TACR3: variants seen among roughly 807,000 people sequenced by gnomAD.
TACR3 encodes the protein tachykinin receptor 3, also known as neuromedin-K receptor.
In TACR3, 34 loss-of-function variants were observed where a neutral mutation model predicts 35.0. The ratio of observed to expected loss-of-function variants is 0.97; its 90% CI spans 0.74 to 1.30. The LOEUF (loss-of-function observed/expected upper bound fraction) is 1.30. Among genes scored for constraint, TACR3 ranks in the 50% most tolerant of loss-of-function variants. The pLI is 0.00. For missense variants in TACR3, 558 were observed against 591.7 expected (o/e 0.94, Z 0.59); for synonymous variants, 233 against 221.1 (o/e 1.05, Z -0.48).
chr4:103,699,671 A>G (rs1454581271), intron 1 of TACR3, among the ~76,000 whole-genome samples: 1 of 152,178 alleles, frequency 6.6e-6, no homozygotes, highest in African/African-American at 2.4e-5. Flanking sequence ...ATTAGATTCA[A>G]CATATAATTT....
At chr4:103,622,865 T>G (rs898852561) in intron 3 of TACR3, among the ~76,000 whole-genome samples, 1 of 152,156 alleles carries the variant, frequency 6.6e-6, no homozygotes, top group Non-Finnish European at 1.5e-5. Context: ...AGGAGACTAA[T>G]GTCAAGGTGG....
chr4:103,688,962 C>T (rs972800611), intron 1 of TACR3, among the ~76,000 whole-genome samples: 88 of 152,064 alleles, frequency 5.8e-4, no homozygotes, highest in African/African-American at 1.2e-3. Context: ...ATGTTTATTG[C>T]GGCACTATTC....
At chr4:103,628,579 C>A (rs1198086600) in intron 3 of TACR3, among the ~76,000 whole-genome samples, 1 of 152,138 alleles carries the variant, frequency 6.6e-6, no homozygotes, top group African/African-American at 2.4e-5. Flanking sequence ...GACACATACA[C>A]CCTCCCAACA....
At chr4:103,599,039 T>C (rs1306032455) in intron 3 of TACR3, among the ~76,000 whole-genome samples, 1 of 152,340 alleles carries the variant, frequency 6.6e-6, no homozygotes, top group Non-Finnish European at 1.5e-5. Flanking sequence ...GTAAATTACC[T>C]TGGGCAGTAT....
rs193244624 is a variant in TACR3, at chr4:103,606,466, G to A, written c.889-14783C>T. ...TTCTTCCTATCCATGAGCATGGACT[G>A]TTCTTCCATTTGTTTGTATCCTCTT... is the stretch of plus-strand genomic sequence containing the variant. On this transcript the variant is annotated intron_variant, in intron 3 of 4. Coordinates refer to ENST00000304883, the MANE Select transcript of TACR3 (RefSeq NM_001059.3). 4.6e-3 allele frequency among the ~76,000 whole-genome samples: 701 copies of A among 152,320 alleles called. 5 individuals are homozygous for A. The highest frequency in any genetic ancestry group is 0.014 in the African/African-American group (599 of 41,570).
intron 1 of TACR3, among the ~76,000 whole-genome samples, chr4:103,705,253 C>T (rs1233613353): frequency 6.6e-6 from 1 of 152,080 alleles, no homozygotes; most frequent in Non-Finnish European, 1.5e-5. Context: ...TAATTTTAAA[C>T]TGTAAAAATT....
intron 3 of TACR3, among the ~76,000 whole-genome samples, chr4:103,626,527 C>T (rs961903564): frequency 1.3e-5 from 2 of 152,138 alleles, no homozygotes; most frequent in African/African-American, 4.8e-5. Context: ...TGTCGGTTAG[C>T]AAATATGCCA....
intron 1 of TACR3, among the ~76,000 whole-genome samples, chr4:103,716,217 G>A (rs1028842865): frequency 2.1e-5 from 1 of 48,320 alleles, no homozygotes; most frequent in Non-Finnish European, 4.0e-5. Context: ...ATTTTATCTT[G>A]TGTGTGTGTG....
intron 3 of TACR3, among the ~76,000 whole-genome samples, chr4:103,609,519 T>C (rs1724467170): frequency 6.6e-6 from 1 of 152,054 alleles, no homozygotes; most frequent in African/African-American, 2.4e-5. Context: ...ATTTGTGGGG[T>C]AGTGTGTTTC....
At chr4:103,685,658 C>CA (rs566688964) in intron 1 of TACR3, among the ~76,000 whole-genome samples, 40 of 152,206 alleles carry the variant, frequency 2.6e-4, no homozygotes, top group Non-Finnish European at 5.0e-4. Context: ...AAACACTTCA[C>CA]AATAGAGTAT....
rs201473070 is a variant in TACR3, at chr4:103,589,913, G to A, written c.1167C>T (p.Thr389=). 2.9e-5 allele frequency: 47 copies of A among 1,613,808 alleles called. 1 individual carries two copies. In the Middle Eastern group the frequency reaches 9.9e-4, roughly 34 times the overall value. The change falls in exon 5 of 5, where the codon ACC becomes ACT. Residue 389 remains threonine (T), a synonymous_variant. Coordinates refer to ENST00000304883, the MANE Select transcript of TACR3 (RefSeq NM_001059.3). ...TTTGCCGGTTTGGATGAAACCTGGT[G>A]GTCTTGAGCTCTAGCTCATCATAGC... is the stretch of plus-strand genomic sequence containing the variant. ...VSSYDELELK[T]TRFHPNRQSS...
At chr4:103,615,398 TGAGA>T (rs111766715) in intron 3 of TACR3, among the ~76,000 whole-genome samples, 13,854 of 116,896 alleles carry the variant, frequency 0.12, 754 homozygotes, top group Middle Eastern at 0.18. Context: ...TGTGTGTGTG[TGAGA>T]GAGAGAGAGA....
chr4:103,703,838 C>T (rs541327886), intron 1 of TACR3, among the ~76,000 whole-genome samples: 8 of 152,002 alleles, frequency 5.3e-5, no homozygotes, highest in Admixed American at 2.6e-4. Context: ...TGGTGGCTCA[C>T]GCCTGTAATC....
At chr4:103,659,540 A>G (rs775701826) in intron 1 of TACR3, among the ~76,000 whole-genome samples, 1 of 152,202 alleles carries the variant, frequency 6.6e-6, no homozygotes, top group Non-Finnish European at 1.5e-5. Flanking sequence ...TGATTAATAA[A>G]TCAAGTTCGA....
At chr4:103,658,083 A>G (rs1052979990) in intron 2 of TACR3, 132 bp downstream of exon 2, 85 of 881,732 alleles carry the variant, frequency 9.6e-5, no homozygotes, top group Middle Eastern at 2.7e-4. Context: ...CAGTATTTTT[A>G]TATATTTCCT....
chr4:103,589,655 A>G lies in TACR3; in HGVS notation c.*27T>C. ...TAGACTGGCACCATGATGGTCTCAC[A>G]CTAATCTTTTACCTCAGGAAATGGA... On this transcript the variant is annotated 3_prime_UTR_variant, in exon 5 of 5. Coordinates refer to ENST00000304883, the MANE Select transcript of TACR3 (RefSeq NM_001059.3). 6.2e-7 allele frequency: 1 copy of G among 1,613,038 alleles called. No individual in the cohort carries two copies. The highest frequency in any genetic ancestry group is 8.5e-7 in the Non-Finnish European group (1 of 1,179,200).
At chr4:103,632,464 C>A (rs1725089289) in intron 3 of TACR3, among the ~76,000 whole-genome samples, 1 of 150,016 alleles carries the variant, frequency 6.7e-6, no homozygotes, top group Admixed American at 6.7e-5. Flanking sequence ...TGATCTCTTT[C>A]ACTTATAAGA....
At chr4:103,599,503 T>C in intron 3 of TACR3, among the ~76,000 whole-genome samples, 1 of 152,042 alleles carries the variant, frequency 6.6e-6, no homozygotes, top group Admixed American at 6.6e-5. Flanking sequence ...TGAATAGGAG[T>C]GGTGAGAGAG....
At position 103,649,417 on chromosome 4, in the gene TACR3, T is replaced by C. The variant is rs377594811; in HGVS notation, c.888+6777A>G. On this transcript the variant is annotated intron_variant, in intron 3 of 4. Transcript: ENST00000304883. The stretch of plus-strand genomic sequence containing the variant: ...GTTTTTGTGTAGTAGTTTCATAGTT[T>C]CAGGTCTTAGATTTAAGTTTTTAAT... Among the ~76,000 whole-genome samples the C allele has an allele frequency of 1.1e-3, 165 of 152,252 alleles. 1 individual carries two copies. Among genetic ancestry groups the C allele is most frequent in the African/African-American group, 3.8e-3 (159 of 41,560 alleles).
Sources: allele counts gnomAD v4.1 joint callset (sites outside exome capture counted in the v4.1 genomes callset), GRCh38; gene constraint gnomAD v4.1.1; transcripts MANE v1.5; gene names NCBI Gene and HGNC (gene_info 2026-07-23, HGNC 2026-07-21).